Variants in CFAP299 observed in about 807,000 individuals in gnomAD.
CFAP299 encodes cilia and flagella associated protein 299.
CFAP299 carries 21 observed loss-of-function variants against 27.0 expected under a neutral mutation model. That is an observed-to-expected ratio of 0.78 (90% CI 0.55 to 1.12). The LOEUF is 1.12. Among genes scored for constraint, CFAP299 ranks in the 50% most tolerant of loss-of-function variants. The pLI is 0.00. For synonymous variants in CFAP299, 104 were observed against 98.1 expected (o/e 1.06, Z -0.36); for missense variants, 310 against 276.6 (o/e 1.12, Z -0.86).
chr4:80,539,326 G>T (rs1733893068), intron 2 of CFAP299, among the ~76,000 whole-genome samples: 1 of 152,172 alleles, frequency 6.6e-6, no homozygotes, highest in African/African-American at 2.4e-5. Flanking sequence ...CAGGAGAAGG[G>T]GACATGTCAT....
At chr4:80,942,466 A>G (rs1454644999) in intron 4 of CFAP299, among the ~76,000 whole-genome samples, 1 of 152,168 alleles carries the variant, frequency 6.6e-6, no homozygotes, top group Non-Finnish European at 1.5e-5. Flanking sequence ...CATGACCATT[A>G]CTAGATAATT....
At chr4:80,370,065 C>A (rs1377287822) in intron 2 of CFAP299, among the ~76,000 whole-genome samples, 1 of 152,124 alleles carries the variant, frequency 6.6e-6, no homozygotes, top group Admixed American at 6.6e-5. Flanking sequence ...GGCATCTGCT[C>A]AGCTTCTGGG....
chr4:80,860,391 G>A (rs151122787), intron 3 of CFAP299, among the ~76,000 whole-genome samples: 4,522 of 152,194 alleles, frequency 0.03, 238 homozygotes, highest in African/African-American at 0.1. Context: ...ATTGTCTGAG[G>A]CCTTCTTCTC....
At chr4:80,394,867 C>T (rs1191018419) in intron 2 of CFAP299, among the ~76,000 whole-genome samples, 2 of 152,060 alleles carry the variant, frequency 1.3e-5, no homozygotes, top group Non-Finnish European at 2.9e-5. Context: ...GTGATACCTC[C>T]AGCTTTGCTC....
At chr4:80,916,493 G>T (rs1491004323) in intron 4 of CFAP299, among the ~76,000 whole-genome samples, 1 of 151,598 alleles carries the variant, frequency 6.6e-6, no homozygotes, top group Non-Finnish European at 1.5e-5. Flanking sequence ...AGCTATGTTT[G>T]GTGATGTCCA....
At chr4:80,937,356 TCCCAAGCTGGAGTACAG>T in intron 4 of CFAP299, among the ~76,000 whole-genome samples, 1 of 140,772 alleles carries the variant, frequency 7.1e-6, no homozygotes, top group African/African-American at 2.8e-5. Flanking sequence ...TCACTCTGTT[TCCCAAGCTGGAGTACAG>T]TTGTGTGATC....
intron 2 of CFAP299, among the ~76,000 whole-genome samples, chr4:80,558,976 C>T (rs1464144842): frequency 6.6e-6 from 1 of 152,056 alleles, no homozygotes; most frequent in Non-Finnish European, 1.5e-5. Flanking sequence ...TTTATTGCTG[C>T]AATAAAACCA....
chr4:80,955,585 A>G (rs1297560843), intron 5 of CFAP299, among the ~76,000 whole-genome samples: 2 of 152,236 alleles, frequency 1.3e-5, no homozygotes, highest in Non-Finnish European at 2.9e-5. Context: ...TAAATAAATT[A>G]TGATACATGC....
intron 3 of CFAP299, among the ~76,000 whole-genome samples, chr4:80,726,191 C>T (rs1723149846): frequency 6.6e-6 from 1 of 151,782 alleles, no homozygotes; most frequent in African/African-American, 2.4e-5. Context: ...TTAGACTTTC[C>T]AGAAAGAGTA....
upstream of CFAP299, among the ~76,000 whole-genome samples, chr4:80,330,901 T>A (rs1037780225): frequency 2.8e-4 from 42 of 152,224 alleles, no homozygotes; most frequent in Non-Finnish European, 7.3e-5. Context: ...GGTACTACGT[T>A]AGATGCTGAG....
At chr4:80,619,438 T>C (rs1738462459) in intron 3 of CFAP299, among the ~76,000 whole-genome samples, 1 of 152,124 alleles carries the variant, frequency 6.6e-6, no homozygotes. Flanking sequence ...TGAAGAACTT[T>C]AGTGACCCAT....
intron 4 of CFAP299, among the ~76,000 whole-genome samples, chr4:80,889,773 A>T (rs1003130913): frequency 6.6e-6 from 1 of 152,142 alleles, no homozygotes; most frequent in African/African-American, 2.4e-5. Flanking sequence ...AAGATCATTC[A>T]TCATGACCAA....
At chr4:80,466,917 GA>G in intron 2 of CFAP299, among the ~76,000 whole-genome samples, 1 of 152,316 alleles carries the variant, frequency 6.6e-6, no homozygotes, top group East Asian at 1.9e-4. Context: ...GTTTTGTTGA[GA>G]AACTTGATGA....
At chr4:80,432,773 C>T (rs190559960) in intron 2 of CFAP299, among the ~76,000 whole-genome samples, 85 of 150,734 alleles carry the variant, frequency 5.6e-4, no homozygotes, top group South Asian at 1.7e-3. Flanking sequence ...CCACCCACCT[C>T]GGCCTCCCAA....
intron 3 of CFAP299, among the ~76,000 whole-genome samples, chr4:80,758,586 A>C (rs992431344): frequency 6.6e-6 from 1 of 152,132 alleles, no homozygotes; most frequent in Non-Finnish European, 1.5e-5. Context: ...TCTGCCCAGA[A>C]TTTCTCTGTC....
intron 2 of CFAP299, among the ~76,000 whole-genome samples, chr4:80,500,938 T>G (rs1731710735): frequency 6.6e-6 from 1 of 152,126 alleles, no homozygotes; most frequent in African/African-American, 2.4e-5. Flanking sequence ...TAAAAATTAC[T>G]GGAATAACCT....
At chr4:80,343,299 C>G (rs1466653888) in intron 1 of CFAP299, among the ~76,000 whole-genome samples, 7 of 152,148 alleles carry the variant, frequency 4.6e-5, no homozygotes, top group Admixed American at 3.9e-4. Context: ...TATTCAGGAC[C>G]TGAACTCAGC....
At chr4:80,457,169 A>G (rs1729209503) in intron 2 of CFAP299, among the ~76,000 whole-genome samples, 2 of 152,194 alleles carry the variant, frequency 1.3e-5, no homozygotes, top group South Asian at 4.1e-4. Flanking sequence ...CTATTCCATT[A>G]ACCACTAAAT....
chr4:80,618,432 C>A (rs1364938726), intron 3 of CFAP299, among the ~76,000 whole-genome samples: 1 of 152,062 alleles, frequency 6.6e-6, no homozygotes, highest in Non-Finnish European at 1.5e-5. Flanking sequence ...ATGCAATATA[C>A]TCCTTTCAAG....
Sources: gnomAD v4.1 joint callset for allele counts (sites outside exome capture counted in the v4.1 genomes callset) on GRCh38, gnomAD v4.1.1 for gene constraint, MANE v1.5 for transcripts, NCBI Gene and HGNC (gene_info 2026-07-23, HGNC 2026-07-21) for gene names.